Variants in MED27 observed in about 807,000 individuals in gnomAD.
MED27 encodes mediator complex subunit 27.
Under a neutral mutation model 38.2 loss-of-function variants are expected in MED27, and 30 were observed. That is an observed-to-expected ratio of 0.79 (90% CI 0.59 to 1.07). MED27 has a LOEUF of 1.07. Among genes scored for constraint, MED27 ranks in the 50% least tolerant of loss-of-function variants. The pLI, the probability that MED27 is intolerant of heterozygous loss-of-function variation, is 0.00. For synonymous variants in MED27, 122 were observed against 153.5 expected (o/e 0.79, Z 1.52); for missense variants, 289 against 397.5 (o/e 0.73, Z 2.32).
At chr9:132,006,567 G>C (rs1017479478) in intron 3 of MED27, among the ~76,000 whole-genome samples, 12 of 151,964 alleles carry the variant, frequency 7.9e-5, no homozygotes, top group African/African-American at 2.4e-4. Context: ...CATGCTCACA[G>C]TCACTATGTA....
Position 131,892,027 on chromosome 9 carries a change from G to A in MED27, c.681+1858C>T, listed in dbSNP as rs114137364. ...GGAAACTGAGTGTAGGGAGAGAGAT[G>A]ATGAGTTTTGTTTTAGACAGGCTAA... On this transcript the variant is annotated intron_variant, in intron 5 of 7. Coordinates refer to ENST00000292035, the MANE Select transcript of MED27 (RefSeq NM_004269.4). 8.5e-3 allele frequency among the ~76,000 whole-genome samples: 1,291 copies of A among 152,046 alleles called. 20 individuals are homozygous for A. Among genetic ancestry groups the A allele is most frequent in the African/African-American group, 0.03 (1,224 of 41,472 alleles).
intron 3 of MED27, among the ~76,000 whole-genome samples, chr9:131,952,803 C>T (rs116578823): frequency 7.4e-4 from 112 of 152,358 alleles, no homozygotes; most frequent in African/African-American, 2.5e-3. Context: ...AGGATAGTAA[C>T]AGCTCCGCCC....
chr9:132,073,092 G>A (rs1833976839), intron 2 of MED27, among the ~76,000 whole-genome samples: 1 of 152,046 alleles, frequency 6.6e-6, no homozygotes, highest in African/African-American at 2.4e-5. Context: ...GGGCACACCA[G>A]GTGACAGATG....
At chr9:131,874,284 T>G (rs1317305962) in intron 6 of MED27, among the ~76,000 whole-genome samples, 2 of 152,144 alleles carry the variant, frequency 1.3e-5, no homozygotes, top group Non-Finnish European at 2.9e-5. Flanking sequence ...TTGCCTGTAC[T>G]CTCAGCAGCA....
At chr9:132,026,134 C>T (rs1832812280) in intron 2 of MED27, among the ~76,000 whole-genome samples, 2 of 152,122 alleles carry the variant, frequency 1.3e-5, no homozygotes, top group African/African-American at 4.8e-5. Flanking sequence ...AAGAACAAGC[C>T]GAGCAACCAA....
intron 3 of MED27, among the ~76,000 whole-genome samples, chr9:131,971,686 T>C (rs1831481264): frequency 6.6e-6 from 1 of 151,988 alleles, no homozygotes; most frequent in African/African-American, 2.4e-5. Context: ...AATCTAGAGA[T>C]ATTGCTTGTG....
intron 4 of MED27, among the ~76,000 whole-genome samples, chr9:131,912,843 G>A (rs1234025853): frequency 2.0e-5 from 3 of 152,138 alleles, no homozygotes; most frequent in East Asian, 1.9e-4. Context: ...CCATGTTAGC[G>A]AGCAGATGTC....
At chr9:131,984,559 C>CT (rs1831809473) in intron 3 of MED27, among the ~76,000 whole-genome samples, 1 of 152,152 alleles carries the variant, frequency 6.6e-6, no homozygotes, top group Non-Finnish European at 1.5e-5. Context: ...GAACAGAGCG[C>CT]TACAGAGATC....
intron 2 of MED27, among the ~76,000 whole-genome samples, chr9:132,025,452 G>A (rs1832798488): frequency 6.6e-5 from 10 of 152,246 alleles, no homozygotes; most frequent in Admixed American, 5.9e-4. Context: ...AAAGTGTTGG[G>A]ATTACAGGCG....
chr9:131,871,430 C>T (rs1163321034), intron 6 of MED27, among the ~76,000 whole-genome samples: 4 of 152,194 alleles, frequency 2.6e-5, no homozygotes, highest in African/African-American at 9.7e-5. Flanking sequence ...CACTATTGTC[C>T]TCAGCAGTTT....
chr9:131,896,301 G>C (rs1829832447), intron 4 of MED27, among the ~76,000 whole-genome samples: 1 of 152,154 alleles, frequency 6.6e-6, no homozygotes. Context: ...CCTCTGGAAG[G>C]GCCACTGTTT....
At chr9:131,920,845 G>A (rs1830378164) in intron 4 of MED27, among the ~76,000 whole-genome samples, 1 of 152,110 alleles carries the variant, frequency 6.6e-6, no homozygotes, top group Non-Finnish European at 1.5e-5. Flanking sequence ...GGCTTTCACT[G>A]GAGGGAGATG....
intron 6 of MED27, among the ~76,000 whole-genome samples, chr9:131,865,601 G>C (rs1838724360): frequency 6.6e-6 from 1 of 152,148 alleles, no homozygotes; most frequent in Non-Finnish European, 1.5e-5. Context: ...CGAGGCAGCT[G>C]GGCTGGCTTT....
chr9:131,965,658 T>C (rs1589238335), intron 3 of MED27, among the ~76,000 whole-genome samples: 1 of 152,052 alleles, frequency 6.6e-6, no homozygotes, highest in East Asian at 1.9e-4. Flanking sequence ...CAGAGCTGAG[T>C]GAGATGAAAG....
intron 6 of MED27, among the ~76,000 whole-genome samples, chr9:131,880,363 AT>A (rs1252990019): frequency 2.0e-5 from 3 of 152,184 alleles, no homozygotes; most frequent in African/African-American, 7.2e-5. Context: ...GGACTCACTA[AT>A]TTAATTCTTA....
At chr9:132,060,086 G>A (rs1346467730) in intron 2 of MED27, among the ~76,000 whole-genome samples, 1 of 152,110 alleles carries the variant, frequency 6.6e-6, no homozygotes, top group African/African-American at 2.4e-5. Flanking sequence ...TAATGCTGCT[G>A]GGAAGTTGGT....
intron 6 of MED27, among the ~76,000 whole-genome samples, chr9:131,870,414 C>G (rs1030716515): frequency 6.6e-6 from 1 of 152,202 alleles, no homozygotes; most frequent in Non-Finnish European, 1.5e-5. Flanking sequence ...AAATGTGTCC[C>G]CTCGTGGTTT....
chr9:131,895,411 C>T (rs536050613), intron 4 of MED27, among the ~76,000 whole-genome samples: 8 of 152,250 alleles, frequency 5.3e-5, no homozygotes, highest in Non-Finnish European at 7.4e-5. Flanking sequence ...TCCGACCTGC[C>T]GTCAGTTTCT....
intron 2 of MED27, among the ~76,000 whole-genome samples, chr9:132,076,037 C>A (rs1405842954): frequency 6.6e-6 from 1 of 152,184 alleles, no homozygotes; most frequent in Admixed American, 6.5e-5. Context: ...CAGAGCCTGA[C>A]ATGGACACTG....
Sources: gnomAD v4.1 joint callset for allele counts (sites outside exome capture counted in the v4.1 genomes callset) on GRCh38, gnomAD v4.1.1 for gene constraint, MANE v1.5 for transcripts, NCBI Gene and HGNC (gene_info 2026-07-23, HGNC 2026-07-21) for gene names.